Variants in TFAP4 observed in about 807,000 individuals in gnomAD.
TFAP4 encodes activating enhancer-binding protein 4.
TFAP4 carries 7 observed loss-of-function variants against 40.4 expected under a neutral mutation model. That is an observed-to-expected ratio of 0.17 (90% CI 0.10 to 0.33). The LOEUF is 0.33. Among genes scored for constraint, TFAP4 ranks in the 10% least tolerant of loss-of-function variants. TFAP4 has a pLI of 1.00. For missense variants in TFAP4, 374 were observed against 451.1 expected (o/e 0.83, Z 1.55); for synonymous variants, 218 against 181.4 (o/e 1.20, Z -1.62).
chr16:4,268,687 G>T (rs1597315615), intron 1 of TFAP4, among the ~76,000 whole-genome samples: 1 of 152,102 alleles, frequency 6.6e-6, no homozygotes, highest in East Asian at 1.9e-4. Context: ...AACTTCTTGG[G>T]CCCAGGTCGT....
intron 3 of TFAP4, 99 bp downstream of exon 3, chr16:4,262,225 G>A: frequency 7.4e-7 from 1 of 1,353,394 alleles, no homozygotes; most frequent in Admixed American, 1.7e-5. Context: ...TTGTCAGTGG[G>A]CAAGAAGGGG....
rs1043897611 is a variant in TFAP4 at position 4,257,995 on chromosome 16, C to T, written c.*60G>A. 9.8e-6 allele frequency: 15 copies of T among 1,531,526 alleles called. No homozygotes were observed. The African/African-American group carries it at 1.5e-4, about 15-fold the overall frequency. 94.9% of individuals were successfully genotyped at this position (1,531,526 alleles called of 1,614,324 possible). A position where few individuals can be genotyped will look rare whatever the true frequency, so the allele number is the denominator to read the frequency against. The stretch of plus-strand genomic sequence containing the variant: ...TTCTCACTCATTCGCCCATGTCTCT[C>T]CCTGTGGCTGCCCCGGCTCCCTCCA... On this transcript the variant is annotated 3_prime_UTR_variant, in exon 7 of 7. Coordinates refer to ENST00000204517, the MANE Select transcript of TFAP4 (RefSeq NM_003223.3).
chr16:4,270,603 G>T (rs2053032728), intron 1 of TFAP4, among the ~76,000 whole-genome samples: 2 of 152,214 alleles, frequency 1.3e-5, no homozygotes, highest in South Asian at 4.1e-4. Context: ...TCCAACCCTG[G>T]ACGAAGGCCC....
intron 1 of TFAP4, among the ~76,000 whole-genome samples, chr16:4,272,442 A>G (rs2053047268): frequency 6.6e-6 from 1 of 151,990 alleles, no homozygotes; most frequent in African/African-American, 2.4e-5. Context: ...GCAGCGGACA[A>G]AAGTGGCCGG....
intron 1 of TFAP4, among the ~76,000 whole-genome samples, chr16:4,268,755 G>A (rs922034466): frequency 2.6e-5 from 4 of 151,562 alleles, no homozygotes; most frequent in African/African-American, 9.7e-5. Flanking sequence ...TTCACACCCG[G>A]CTAGTTTTTT....
intron 6 of TFAP4, chr16:4,258,560 C>T (rs757907909): frequency 3.8e-5 from 9 of 239,536 alleles, no homozygotes; most frequent in South Asian, 1.4e-4. Flanking sequence ...CACAGGGGTG[C>T]GCCACCATCC....
rs1458534491 is a variant in TFAP4, at chr16:4,262,474, ACTTTCCTCTCCCAGCGGGAAC to A, written c.255+41_256-53del. ...AGGCTGGCAGTGTTTACCAGAGCTC[ACTTTCCTCTCCCAGCGGGAAC>A]CTGCCGGCTCCTCCAGGAAGCCCTC... On this transcript the variant is annotated intron_variant, in intron 2 of 6. Transcript: ENST00000204517. The A allele has an allele frequency of 1.9e-6, 3 of 1,613,718 alleles. No homozygotes were observed. The South Asian group carries it at 3.3e-5, about 18-fold the overall frequency.
Position 4,257,857 on chromosome 16 carries a change from C to T in TFAP4, c.*198G>A. On this transcript the variant is annotated 3_prime_UTR_variant, in exon 7 of 7. Coordinates refer to ENST00000204517, the MANE Select transcript of TFAP4 (RefSeq NM_003223.3). ...GGTGCCGATGCTCCCACACGCTCTGCGACACCCCAGCCCCGGGACCTCGGG... is the reference window on the plus strand; with the variant it reads ...GGTGCCGATGCTCCCACACGCTCTGTGACACCCCAGCCCCGGGACCTCGGG... The T allele has an allele frequency of 1.3e-5, 8 of 596,394 alleles. No individual in the cohort carries two copies. The highest frequency in any genetic ancestry group is 3.1e-5 in the East Asian group (1 of 31,986). 36.9% of individuals were successfully genotyped at this position (596,394 alleles called of 1,614,324 possible). A position where few individuals can be genotyped will look rare whatever the true frequency, so the allele number is the denominator to read the frequency against.
rs745740125 is a variant in TFAP4, at chr16:4,261,929, G to A, written c.375C>T (p.Pro125=). 1.2e-6 allele frequency: 2 copies of A among 1,610,118 alleles called. No homozygotes were observed. The highest frequency in any genetic ancestry group is 1.1e-5 in the South Asian group (1 of 90,592). Residue 125 remains proline (P), a synonymous_variant, in exon 4 of 7, where the codon CCC becomes CCT. Transcript: ENST00000204517. The part of the protein sequence containing the change: ...RFIQELSGSS[P]KRRRAEDKDE... ...CCTTGTCCTCTGCCCGCCGTCGCTTGGGGGACGAGCCGCTCAGCTCCTGGG... is the reference window on the plus strand; with the variant it reads ...CCTTGTCCTCTGCCCGCCGTCGCTTAGGGGACGAGCCGCTCAGCTCCTGGG...
chr16:4,262,676 CG>C lies in TFAP4; in HGVS notation c.114del (p.Glu39ArgfsTer82). On this transcript the variant is annotated frameshift_variant, in exon 2 of 7. Coordinates refer to ENST00000204517, the MANE Select transcript of TFAP4 (RefSeq NM_003223.3). LOFTEE classifies it high-confidence loss of function. Reference protein sequence around the residue: ...LCSLANIPLTPETQRDQERRI... With the variant: ...LCSLANIPLTXETQRDQERRI... ...CGCCGCTCCTGGTCCCGCTGAGTCT[CG>C]GGGGTTAGTGGAATGTTGGCAAGGC... 6.2e-7 allele frequency: 1 copy of C among 1,609,936 alleles called. No individual in the cohort carries two copies.
intron 1 of TFAP4, 46 bp downstream of exon 1, chr16:4,272,612 G>T: frequency 6.7e-7 from 1 of 1,497,058 alleles, no homozygotes; most frequent in Non-Finnish European, 9.1e-7. Flanking sequence ...GGGCTGGCCG[G>T]GGGCTGCAGT....
chr16:4,269,604 G>T (rs2053025240), intron 1 of TFAP4, among the ~76,000 whole-genome samples: 1 of 151,006 alleles, frequency 6.6e-6, no homozygotes, highest in African/African-American at 2.4e-5. Flanking sequence ...AAGATCAGGA[G>T]ATCGAGACCA....
At chr16:4,268,301 G>A (rs1012371623) in intron 1 of TFAP4, among the ~76,000 whole-genome samples, 79 of 152,206 alleles carry the variant, frequency 5.2e-4, no homozygotes, top group African/African-American at 1.7e-4. Flanking sequence ...GTCGTGGGAC[G>A]TGCCTGTAAT....
intron 1 of TFAP4, among the ~76,000 whole-genome samples, chr16:4,267,560 C>A (rs376223664): frequency 3.1e-4 from 47 of 152,364 alleles, no homozygotes; most frequent in African/African-American, 1.0e-3. Context: ...ATGGGGCATG[C>A]CCTTCAAGTC....
At chr16:4,261,718 C>T in intron 4 of TFAP4, 61 bp downstream of exon 4, 2 of 1,479,614 alleles carry the variant, frequency 1.4e-6, no homozygotes, top group Non-Finnish European at 1.8e-6. Flanking sequence ...GCAAGAGGCG[C>T]GACCCCAGGC....
intron 1 of TFAP4, 198 bp from the exon 2 acceptor site, chr16:4,262,899 C>T: frequency 1.7e-6 from 1 of 604,550 alleles, no homozygotes; most frequent in Non-Finnish European, 2.9e-6. Context: ...CGCTCAGAAC[C>T]CACCCCGGGC....
At chr16:4,270,852 C>T (rs1401285264) in intron 1 of TFAP4, among the ~76,000 whole-genome samples, 1 of 152,242 alleles carries the variant, frequency 6.6e-6, no homozygotes, top group Admixed American at 6.5e-5. Flanking sequence ...CTGCCCAGCC[C>T]AGCCCTGCAG....
chr16:4,260,605 G>A lies in TFAP4; in HGVS notation c.526-10C>T, dbSNP rs773188146. ...CCTCCAGCGAGCGCACCTGGAGGCA[G>A]GACAACCTGGGCTCAGGGCCAAGGC... On this transcript the variant is annotated splice_polypyrimidine_tract_variant and intron_variant, in intron 4 of 6. Coordinates refer to ENST00000204517, the MANE Select transcript of TFAP4 (RefSeq NM_003223.3). The A allele has an allele frequency of 8.2e-6, 13 of 1,583,834 alleles. No individual in the cohort carries two copies. The highest frequency in any genetic ancestry group is 1.1e-5 in the Non-Finnish European group (13 of 1,166,372).
intron 4 of TFAP4, 132 bp from the exon 5 acceptor site, chr16:4,260,727 C>T (rs2052940746): frequency 1.9e-6 from 2 of 1,070,826 alleles, no homozygotes; most frequent in Non-Finnish European, 1.3e-6. Flanking sequence ...AGGCCAGAAG[C>T]CTTTCCAGAG....
Sources: allele counts gnomAD v4.1 joint callset (sites outside exome capture counted in the v4.1 genomes callset), GRCh38; gene constraint gnomAD v4.1.1; transcripts MANE v1.5; gene names NCBI Gene and HGNC (gene_info 2026-07-23, HGNC 2026-07-21).